The following MECR variants were observed in gnomAD, a reference collection of about 807,000 sequenced individuals.
MECR encodes the protein enoyl-[acyl-carrier-protein] reductase, mitochondrial.
In MECR, 37 loss-of-function variants were observed where a neutral mutation model predicts 49.1. The observed-to-expected ratio is 0.75, with a 90% CI of 0.58 to 0.99. MECR has a LOEUF of 0.99. Ranked by LOEUF, MECR falls within the 50% of genes least tolerant of loss-of-function variation. The pLI is 0.00. For synonymous variants in MECR, 198 were observed against 191.1 expected, an observed-to-expected ratio of 1.04 and a Z score of -0.30; for missense variants, 470 against 479.6, an observed-to-expected ratio of 0.98 and a Z score of 0.19.
chr1:29,209,392 G>A (rs1396349820), intron 3 of MECR, among the ~76,000 whole-genome samples: 1 of 152,192 alleles, frequency 6.6e-6, no homozygotes, highest in Non-Finnish European at 1.5e-5. Context: ...GTGAATGAGT[G>A]AGTGGGAAGC....
rs762041697 is a variant in MECR at position 29,194,075 on chromosome 1, A to T, written c.1069T>A (p.Leu357Met). ...ATGAAGGGCTTCATGGAGGCTTCCA[A>T]GGCAGACTGGTAGTCCTGCAGCGGG... ...QVPLQDYQSA[L>M]EASMKPFISS... The change falls in exon 10 of 10, where the codon TTG becomes ATG. Residue 357 changes from leucine (L) to methionine (M), a missense_variant. By Grantham distance (15) the Leu-to-Met change is conservative. Coordinates refer to ENST00000263702, the MANE Select transcript of MECR (RefSeq NM_016011.5). 3 of 1,614,178 alleles carry T rather than the reference A, an allele frequency of 1.9e-6. No homozygotes were observed. The highest frequency in any genetic ancestry group is 4.5e-5 in the East Asian group (2 of 44,876).
the MECR span, among the ~76,000 whole-genome samples, chr1:29,174,920 C>T: frequency 6.6e-6 from 1 of 150,778 alleles, no homozygotes; most frequent in South Asian, 2.1e-4. Context: ...GATCTGCCAG[C>T]CTTGGCCTCC....
chr1:29,226,944 G>A (rs1400884998), intron 1 of MECR, among the ~76,000 whole-genome samples: 1 of 150,812 alleles, frequency 6.6e-6, no homozygotes, highest in Admixed American at 6.6e-5. Context: ...AGCGTTTCTG[G>A]GAACTATCTT....
intron 1 of MECR, among the ~76,000 whole-genome samples, chr1:29,226,641 C>T (rs1167089061): frequency 2.6e-5 from 4 of 151,954 alleles, no homozygotes; most frequent in Non-Finnish European, 4.4e-5. Flanking sequence ...TTCCTCAGGC[C>T]TATGTCTATA....
At chr1:29,187,225 CTTTT>C in the MECR span, among the ~76,000 whole-genome samples, 3 of 152,140 alleles carry the variant, frequency 2.0e-5, no homozygotes, top group Non-Finnish European at 4.4e-5. Flanking sequence ...TTTCTCTTTT[CTTTT>C]TTGAGACCGA....
chr1:29,175,150 G>T, the MECR span, among the ~76,000 whole-genome samples: 2 of 151,876 alleles, frequency 1.3e-5, no homozygotes, highest in African/African-American at 4.8e-5. Context: ...GGCCAGGTGT[G>T]GTGGCTCACG....
At chr1:29,181,618 C>G in the MECR span, 1,046 of 1,556,072 alleles carry the variant, frequency 6.7e-4, no homozygotes, top group Middle Eastern at 8.4e-4. Flanking sequence ...TGTCCCCGCC[C>G]GGCCGGACCC....
chr1:29,228,635 C>T (rs1053155477), intron 1 of MECR, among the ~76,000 whole-genome samples: 1 of 151,956 alleles, frequency 6.6e-6, no homozygotes, highest in Non-Finnish European at 1.5e-5. Flanking sequence ...ATGTTTTGAA[C>T]TAGAGGGAAA....
chr1:29,216,631 C>T lies in MECR; in HGVS notation c.231G>A (p.Met77Ile). The change falls in exon 2 of 10, where the codon ATG becomes ATA. Residue 77 changes from methionine (M) to isoleucine (I), a missense_variant. Transcript: ENST00000263702. ...CAGATGGATTGATAGGGGCCGCCAGCATCTTCACACGGACATCTGATCCTC... is the reference window on the plus strand; with the variant it reads ...CAGATGGATTGATAGGGGCCGCCAGTATCTTCACACGGACATCTGATCCTC... ...AVRGSDVRVK[M>I]LAAPINPSDI... 6.2e-7 allele frequency: 1 copy of T among 1,614,224 alleles called. No homozygotes were observed. The highest frequency in any genetic ancestry group is 8.5e-7 in the Non-Finnish European group (1 of 1,180,030).
the MECR span, chr1:29,171,062 C>T: frequency 6.6e-6 from 1 of 152,162 alleles, no homozygotes; most frequent in African/African-American, 2.4e-5. Flanking sequence ...CTTCAGGGTA[C>T]TATAAGACCA....
At chr1:29,176,542 G>A in the MECR span, among the ~76,000 whole-genome samples, 3 of 149,708 alleles carry the variant, frequency 2.0e-5, no homozygotes, top group Non-Finnish European at 3.0e-5. Context: ...CCAGAAACCA[G>A]CAACCTGGAA....
At chr1:29,206,257 C>T (rs1676548404) in intron 4 of MECR, among the ~76,000 whole-genome samples, 1 of 152,226 alleles carries the variant, frequency 6.6e-6, no homozygotes, top group South Asian at 2.1e-4. Context: ...CCCAGGTTAT[C>T]TGCCCAGAGC....
chr1:29,191,310 A>ATT (rs111622816), downstream of MECR, among the ~76,000 whole-genome samples: 47 of 147,480 alleles, frequency 3.2e-4, no homozygotes, highest in African/African-American at 1.1e-3. Context: ...GAAGAATCCT[A>ATT]TTTTTTTTTT....
At chr1:29,174,784 C>T in the MECR span, among the ~76,000 whole-genome samples, 2 of 151,208 alleles carry the variant, frequency 1.3e-5, no homozygotes, top group East Asian at 3.9e-4. Flanking sequence ...AGCAATTCTC[C>T]TGCCTCAGCC....
chr1:29,202,134 C>T (rs1185197780), intron 5 of MECR, 89 bp from the exon 6 acceptor site: 17 of 1,146,328 alleles, frequency 1.5e-5, no homozygotes, highest in Non-Finnish European at 1.8e-5. Flanking sequence ...TGGGAGAACC[C>T]GTGCTTCTTT....
the MECR span, among the ~76,000 whole-genome samples, chr1:29,181,040 T>A: frequency 6.6e-6 from 1 of 152,312 alleles, no homozygotes; most frequent in East Asian, 1.9e-4. Flanking sequence ...AATTTACTCT[T>A]GCAGAGGGAA....
downstream of MECR, among the ~76,000 whole-genome samples, chr1:29,188,412 C>T (rs1322181666): frequency 5.9e-5 from 9 of 151,948 alleles, no homozygotes; most frequent in Non-Finnish European, 1.2e-4. Flanking sequence ...CCATGTTGCT[C>T]AGGCTGGTCT....
Position 29,201,806 on chromosome 1 carries a change from G to C in MECR, c.756+137C>G. On this transcript the variant is annotated intron_variant, in intron 6 of 9. Coordinates refer to ENST00000263702, the MANE Select transcript of MECR (RefSeq NM_016011.5). This position sits in a 1 kb window ranked among gnomAD's most constrained non-coding sequence, Gnocchi z 4.3. ...CCTGCCGCCTGGCTAGGGGGAATGG[G>C]CTTTAACCAACCAAGAGGCAAAGGG... 4 of 782,042 alleles carry C rather than the reference G, an allele frequency of 5.1e-6. No homozygotes were observed. The highest frequency in any genetic ancestry group is 8.8e-6 in the Non-Finnish European group (4 of 454,416). The allele number at this position is 782,042 out of a possible 1,614,324, so 48.4% of individuals were successfully genotyped here.
At chr1:29,195,029 T>C (rs1673622394) in intron 9 of MECR, among the ~76,000 whole-genome samples, 1 of 152,166 alleles carries the variant, frequency 6.6e-6, no homozygotes, top group East Asian at 1.9e-4. Flanking sequence ...GGTGGGAGGA[T>C]CACCTGAACC....
Sources: gnomAD v4.1 joint callset for allele counts (sites outside exome capture counted in the v4.1 genomes callset) on GRCh38, gnomAD v4.1.1 for gene constraint, Gnocchi (gnomAD v3.1) non-coding constraint, MANE v1.5 for transcripts, NCBI Gene and HGNC (gene_info 2026-07-23, HGNC 2026-07-21) for gene names.